HDAC9: variants seen among roughly 807,000 people sequenced by gnomAD.
HDAC9 encodes MEF-2 interacting transcription repressor (MITR) protein.
A neutral mutation model predicts 139.4 loss-of-function variants in HDAC9; 41 were observed. The observed-to-expected ratio is 0.29, with a 90% confidence interval of 0.23 to 0.38. The LOEUF (loss-of-function observed/expected upper bound fraction) is 0.38. Among genes scored for constraint, HDAC9 ranks in the 10% least tolerant of loss-of-function variants. The pLI, the probability that HDAC9 is intolerant of heterozygous loss-of-function variation, is 1.00. For synonymous variants in HDAC9, 517 were observed against 476.2 expected (o/e 1.09, Z -1.12); for missense variants, 1,147 against 1,297.0 (o/e 0.88, Z 1.78).
At chr7:18,888,188 G>A (rs1369273370) in intron 22 of HDAC9, among the ~76,000 whole-genome samples, 1 of 152,142 alleles carries the variant, frequency 6.6e-6, no homozygotes, top group Non-Finnish European at 1.5e-5. Context: ...TTGGGAGGCC[G>A]AGGCAGGCGG....
Position 18,916,293 on chromosome 7 carries a change from A to G in HDAC9, c.2804-19516A>G, listed in dbSNP as rs1277579711. Among the ~76,000 whole-genome samples, 3 of 152,036 alleles carry G rather than the reference A, an allele frequency of 2.0e-5. No individual in the cohort carries two copies. In the East Asian group the frequency reaches 5.8e-4, roughly 29 times the overall value. On this transcript the variant is annotated intron_variant, in intron 22 of 25. Transcript: ENST00000686413. ...ACAGAGCTCTGTGATGTGGTGGTAG[A>G]GATGAATCTTTGACTAATGTAGAAT...
intron 17 of HDAC9, among the ~76,000 whole-genome samples, chr7:18,813,233 G>GA (rs1201377341): frequency 6.6e-6 from 1 of 152,042 alleles, no homozygotes; most frequent in East Asian, 1.9e-4. Flanking sequence ...TAAAGAAAAA[G>GA]AAACAGTGGA....
intron 21 of HDAC9, among the ~76,000 whole-genome samples, chr7:18,836,897 A>T (rs1273560082): frequency 3.9e-5 from 6 of 152,024 alleles, no homozygotes; most frequent in Non-Finnish European, 8.8e-5. Flanking sequence ...AAAAACTTAC[A>T]TGTGTTCATA....
intron 14 of HDAC9, among the ~76,000 whole-genome samples, chr7:18,749,549 C>T (rs1179292401): frequency 1.3e-5 from 2 of 152,312 alleles, no homozygotes; most frequent in African/African-American, 4.8e-5. Context: ...AAAATATCAA[C>T]TGTCCTCTTA....
At position 18,859,165 on chromosome 7, in the gene HDAC9, A is replaced by G. The variant is rs541834465; in HGVS notation, c.2685-15313A>G. On this transcript the variant is annotated intron_variant, in intron 21 of 25. Coordinates refer to ENST00000686413, the MANE Select transcript of HDAC9 (RefSeq NM_178425.4). ...GATCAAAGTACATAATTTCAAGTAT[A>G]TTGTGATCATTGCAACATTAGAAGG... Among the ~76,000 whole-genome samples, 4 of 152,276 alleles carry G rather than the reference A, an allele frequency of 2.6e-5. No homozygotes were observed. In the South Asian group the frequency reaches 8.3e-4, roughly 32 times the overall value.
intron 1 of HDAC9, among the ~76,000 whole-genome samples, chr7:18,336,549 A>G (rs1781599708): frequency 1.3e-5 from 2 of 151,686 alleles, no homozygotes; most frequent in South Asian, 4.1e-4. Flanking sequence ...TTAAAGAATA[A>G]AACTGATAGA....
chr7:18,872,725 A>T (rs1799024335), intron 21 of HDAC9, among the ~76,000 whole-genome samples: 1 of 152,154 alleles, frequency 6.6e-6, no homozygotes, highest in Non-Finnish European at 1.5e-5. Context: ...CTTCAAAAGT[A>T]TGCACCTATA....
chr7:18,264,502 A>G (rs1038134306), intron 2 of HDAC9, among the ~76,000 whole-genome samples: 1 of 152,226 alleles, frequency 6.6e-6, no homozygotes, highest in Admixed American at 6.5e-5. Context: ...TAGTCACATT[A>G]TGGCTTAAAA....
chr7:18,468,500 A>C (rs1173021210), intron 1 of HDAC9, among the ~76,000 whole-genome samples: 1 of 151,784 alleles, frequency 6.6e-6, no homozygotes, highest in Non-Finnish European at 1.5e-5. Context: ...CTATTCATTC[A>C]CAAGTGTGAT....
intron 1 of HDAC9, among the ~76,000 whole-genome samples, chr7:18,098,106 C>T (rs1289412887): frequency 2.0e-5 from 3 of 152,200 alleles, no homozygotes; most frequent in East Asian, 1.9e-4. Flanking sequence ...CATTACAACT[C>T]AGTCCTTACA....
At chr7:18,981,612 A>G (rs1241730627) in intron 25 of HDAC9, among the ~76,000 whole-genome samples, 2 of 152,118 alleles carry the variant, frequency 1.3e-5, no homozygotes, top group African/African-American at 4.8e-5. Context: ...TTCCATCTTT[A>G]AAGCCAGCAA....
intron 1 of HDAC9, among the ~76,000 whole-genome samples, chr7:18,432,767 G>A (rs150305128): frequency 0.033 from 5,055 of 152,176 alleles, 104 homozygotes; most frequent in African/African-American, 0.062. Context: ...CTAACATGGT[G>A]AAACCCCGTC....
chr7:18,715,702 A>C (rs528854114), intron 12 of HDAC9, among the ~76,000 whole-genome samples: 9 of 152,184 alleles, frequency 5.9e-5, no homozygotes, highest in Non-Finnish European at 1.3e-4. Flanking sequence ...CATATTATCA[A>C]TGTTAAATCT....
intron 24 of HDAC9, among the ~76,000 whole-genome samples, chr7:18,955,285 T>C (rs113198623): frequency 0.012 from 1,822 of 152,172 alleles, 39 homozygotes; most frequent in African/African-American, 0.042. Context: ...ATCCTGTCAT[T>C]GTCCTGTCTT....
intron 1 of HDAC9, among the ~76,000 whole-genome samples, chr7:18,354,460 A>C (rs910474526): frequency 2.0e-5 from 3 of 152,208 alleles, no homozygotes; most frequent in Non-Finnish European, 2.9e-5. Flanking sequence ...AGAAGAATTA[A>C]TCGCAACTAA....
Position 18,631,148 on chromosome 7 carries a change from A to G in HDAC9, c.796+1667A>G, listed in dbSNP as rs566591642. ...TAGCTCAATACCTATCTCAGTAATGATTGGTTCTTATTTATAAGGATTATG... is the reference window on the plus strand; with the variant it reads ...TAGCTCAATACCTATCTCAGTAATGGTTGGTTCTTATTTATAAGGATTATG... On this transcript the variant is annotated intron_variant, in intron 7 of 25. Coordinates refer to ENST00000686413, the MANE Select transcript of HDAC9 (RefSeq NM_178425.4). Among the ~76,000 whole-genome samples the G allele has an allele frequency of 4.6e-5, 7 of 152,138 alleles. No homozygotes were observed. The East Asian group carries it at 1.4e-3, about 29-fold the overall frequency.
At chr7:18,989,228 T>A (rs1478954041) in intron 25 of HDAC9, among the ~76,000 whole-genome samples, 1 of 149,354 alleles carries the variant, frequency 6.7e-6, no homozygotes, top group East Asian at 1.9e-4. Flanking sequence ...TGTTTAGCAC[T>A]TCCTTCAGGA....
At chr7:18,446,771 G>GA (rs1562996293) in intron 1 of HDAC9, among the ~76,000 whole-genome samples, 1 of 151,624 alleles carries the variant, frequency 6.6e-6, no homozygotes, top group African/African-American at 2.4e-5. Context: ...TGCATTTTTT[G>GA]AAAAAAACTT....
intron 1 of HDAC9, among the ~76,000 whole-genome samples, chr7:18,408,521 C>G (rs1261941593): frequency 2.0e-5 from 3 of 152,166 alleles, no homozygotes; most frequent in East Asian, 1.9e-4. Flanking sequence ...ATAGCTCTTC[C>G]TGGTTCTGTA....
Sources: gnomAD v4.1 joint callset for allele counts (sites outside exome capture counted in the v4.1 genomes callset) on GRCh38, gnomAD v4.1.1 for gene constraint, MANE v1.5 for transcripts, NCBI Gene and HGNC (gene_info 2026-07-23, HGNC 2026-07-21) for gene names.